The following MARCHF1 variants were observed in gnomAD, a reference collection of about 807,000 sequenced individuals.
MARCHF1 encodes membrane associated ring-CH-type finger 1, also known as E3 ubiquitin-protein ligase MARCHF1.
A neutral mutation model predicts 54.2 loss-of-function variants in MARCHF1; 40 were observed. That is an observed-to-expected ratio of 0.74 (90% CI 0.57 to 0.96). The LOEUF (loss-of-function observed/expected upper bound fraction) is 0.96, where lower values mean the gene tolerates loss of function less well. Among genes scored for constraint, MARCHF1 ranks in the 40% least tolerant of loss-of-function variants. The pLI is 0.00. For synonymous variants in MARCHF1, 236 were observed against 236.3 expected, an observed-to-expected ratio of 1.00 and a Z score of 0.01; for missense variants, 586 against 656.5, an observed-to-expected ratio of 0.89 and a Z score of 1.17.
intron 3 of MARCHF1, among the ~76,000 whole-genome samples, chr4:163,955,005 C>G (rs895191433): frequency 1.3e-5 from 2 of 152,050 alleles, no homozygotes; most frequent in East Asian, 3.9e-4. Context: ...CAGATTTTAG[C>G]AACATTCTTT....
chr4:163,715,332 A>G (rs1745224736), intron 4 of MARCHF1, among the ~76,000 whole-genome samples: 2 of 151,944 alleles, frequency 1.3e-5, no homozygotes, highest in Non-Finnish European at 2.9e-5. Flanking sequence ...TGCAAGCTCC[A>G]CCTCCAGGGT....
At chr4:164,108,051 CCTTT>C (rs1040496885) in intron 2 of MARCHF1, among the ~76,000 whole-genome samples, 5 of 152,056 alleles carry the variant, frequency 3.3e-5, no homozygotes, top group Admixed American at 1.3e-4. Context: ...ATTTGTCCTA[CCTTT>C]TTTTTCTTAT....
At chr4:164,121,341 T>C (rs773259779) in intron 1 of MARCHF1, among the ~76,000 whole-genome samples, 1 of 152,020 alleles carries the variant, frequency 6.6e-6, no homozygotes, top group Non-Finnish European at 1.5e-5. Flanking sequence ...CAAGACTGGG[T>C]AATTTATAAA....
At chr4:164,374,965 G>A (rs1288471122) in intron 1 of MARCHF1, among the ~76,000 whole-genome samples, 2 of 152,114 alleles carry the variant, frequency 1.3e-5, no homozygotes, top group Non-Finnish European at 2.9e-5. Flanking sequence ...CAGGGTGCCT[G>A]GGACCTGACT....
chr4:164,285,669 C>T (rs1048204965), intron 1 of MARCHF1, among the ~76,000 whole-genome samples: 1 of 151,704 alleles, frequency 6.6e-6, no homozygotes, highest in African/African-American at 2.4e-5. Flanking sequence ...GTCTCGATCT[C>T]CTGACCTCGT....
At chr4:163,734,547 C>CAA (rs71600634) in intron 4 of MARCHF1, among the ~76,000 whole-genome samples, 42,833 of 143,678 alleles carry the variant, frequency 0.3, 7,645 homozygotes, top group Non-Finnish European at 0.42. Context: ...AAAGCTAGAC[C>CAA]AAAAAAAGAA....
intron 1 of MARCHF1, among the ~76,000 whole-genome samples, chr4:164,122,325 TCTAA>T (rs752237127): frequency 4.6e-5 from 7 of 152,114 alleles, no homozygotes; most frequent in Non-Finnish European, 8.8e-5. Context: ...TATTTTCCTT[TCTAA>T]CTAAGAGTAG....
intron 9 of MARCHF1, among the ~76,000 whole-genome samples, chr4:163,541,364 T>C (rs921151152): frequency 1.3e-5 from 2 of 152,350 alleles, no homozygotes; most frequent in Non-Finnish European, 2.9e-5. Context: ...ATTGTTGTAG[T>C]TGTTTTTGGT....
At chr4:163,833,521 G>C (rs1297438278) in intron 4 of MARCHF1, among the ~76,000 whole-genome samples, 1 of 151,636 alleles carries the variant, frequency 6.6e-6, no homozygotes, top group Admixed American at 6.6e-5. Flanking sequence ...AAATTTACAA[G>C]AAAAAAACAA....
rs143823980 is a variant in MARCHF1, at chr4:163,986,868, C to T, written c.-39+1633G>A. Among the ~76,000 whole-genome samples the T allele has an allele frequency of 2.8e-4, 42 of 152,208 alleles. No homozygotes were observed. The East Asian group carries it at 5.2e-3, about 19-fold the overall frequency. ...GACATCTACAGAAAGAGATTTCTGG[C>T]GAAGACCTGGAATTGACACAATGTT... is the stretch of plus-strand genomic sequence containing the variant. On this transcript the variant is annotated intron_variant, in intron 3 of 9. Coordinates refer to ENST00000514618, the MANE Select transcript of MARCHF1 (RefSeq NM_001394959.1).
intron 1 of MARCHF1, among the ~76,000 whole-genome samples, chr4:164,332,351 C>G (rs527666596): frequency 6.6e-6 from 1 of 152,146 alleles, no homozygotes; most frequent in African/African-American, 2.4e-5. Flanking sequence ...ATTTCAGATT[C>G]ACAGATATTA....
chr4:164,258,255 G>A (rs899726149), intron 1 of MARCHF1, among the ~76,000 whole-genome samples: 2 of 151,988 alleles, frequency 1.3e-5, no homozygotes, highest in Non-Finnish European at 2.9e-5. Context: ...AGCAGGGTGG[G>A]GGAATAAGAG....
chr4:164,050,223 C>CAAGATCACGACACT lies in MARCHF1; in HGVS notation c.-248+61351_-248+61364dup, dbSNP rs753095413. 2.3e-3 allele frequency among the ~76,000 whole-genome samples: 305 copies of CAAGATCACGACACT among 132,826 alleles called. 1 individual carries two copies. The highest frequency in any genetic ancestry group is 4.1e-3 in the Non-Finnish European group (268 of 65,392). 87.1% of individuals were successfully genotyped at this position (132,826 alleles called of 152,430 possible). A position where few individuals can be genotyped will look rare whatever the true frequency, so the allele number is the denominator to read the frequency against. On this transcript the variant is annotated intron_variant, in intron 2 of 9. Transcript: ENST00000514618. ...CCAGGAGGTGGAGGTTGCAGTGAGC[C>CAAGATCACGACACT]AAGATCACGACACTGCATTCCAGCC...
intron 5 of MARCHF1, among the ~76,000 whole-genome samples, chr4:163,675,265 A>G (rs1479425029): frequency 6.6e-6 from 1 of 152,256 alleles, no homozygotes; most frequent in Non-Finnish European, 1.5e-5. Flanking sequence ...ATCCAGCTGG[A>G]TAATTCCTCA....
intron 1 of MARCHF1, among the ~76,000 whole-genome samples, chr4:164,336,103 G>A (rs766178276): frequency 4.6e-5 from 7 of 152,100 alleles, no homozygotes; most frequent in Non-Finnish European, 1.0e-4. Flanking sequence ...GAAGCAGAAG[G>A]TTCACAGCTG....
intron 1 of MARCHF1, among the ~76,000 whole-genome samples, chr4:164,314,295 G>C (rs536626010): frequency 6.6e-6 from 1 of 152,306 alleles, no homozygotes; most frequent in East Asian, 1.9e-4. Flanking sequence ...GCTAGCAAGA[G>C]AGAGCCATAT....
At chr4:164,302,914 A>G (rs959576021) in intron 1 of MARCHF1, among the ~76,000 whole-genome samples, 2 of 149,080 alleles carry the variant, frequency 1.3e-5, no homozygotes, top group African/African-American at 5.0e-5. Flanking sequence ...GCATGCTATT[A>G]AAGCCTGAAG....
chr4:163,986,483 T>C (rs936215861), intron 3 of MARCHF1, among the ~76,000 whole-genome samples: 57 of 151,896 alleles, frequency 3.8e-4, no homozygotes, highest in African/African-American at 1.4e-3. Flanking sequence ...ACCAGGATGG[T>C]CTCGATCTCC....
Position 164,012,886 on chromosome 4 carries a change from C to T in MARCHF1, c.-247-24177G>A, listed in dbSNP as rs530362553. Among the ~76,000 whole-genome samples the T allele has an allele frequency of 2.5e-4, 38 of 152,292 alleles. No individual in the cohort carries two copies. In the East Asian group the frequency reaches 5.2e-3, roughly 21 times the overall value. On this transcript the variant is annotated intron_variant, in intron 2 of 9. Coordinates refer to ENST00000514618, the MANE Select transcript of MARCHF1 (RefSeq NM_001394959.1). ...CCACAGGCTTTGGTCACAATACTCA[C>T]TCCCCTTGGAATTTGTAAAAAGCCC...
Sources: allele counts gnomAD v4.1 joint callset (sites outside exome capture counted in the v4.1 genomes callset), GRCh38; gene constraint gnomAD v4.1.1; transcripts MANE v1.5; gene names NCBI Gene and HGNC (gene_info 2026-07-23, HGNC 2026-07-21).